The following PRELID2 variants were observed in gnomAD, a reference collection of about 807,000 sequenced individuals.
PRELID2 encodes PRELI domain containing 2.
Under a neutral mutation model 28.4 loss-of-function variants are expected in PRELID2, and 25 were observed. The observed-to-expected ratio is 0.88, with a 90% confidence interval of 0.64 to 1.23. The LOEUF (loss-of-function observed/expected upper bound fraction) is 1.23. Ranked by LOEUF, PRELID2 falls within the 50% of genes most tolerant of loss-of-function variation. The probability of loss-of-function intolerance (pLI) is 0.00; values close to 1 mark genes in which losing one functional copy is unlikely to be tolerated. For synonymous variants in PRELID2, 76 were observed against 71.6 expected, an observed-to-expected ratio of 1.06 and a Z score of -0.31; for missense variants, 201 against 214.4, an observed-to-expected ratio of 0.94 and a Z score of 0.39.
At chr5:145,726,534 T>C (rs941651051) in intron 1 of PRELID2, among the ~76,000 whole-genome samples, 12 of 152,066 alleles carry the variant, frequency 7.9e-5, no homozygotes, top group Non-Finnish European at 1.3e-4. Flanking sequence ...AAGTAGATGA[T>C]TAACAGATGG....
chr5:145,418,280 G>A, the PRELID2 span, among the ~76,000 whole-genome samples: 1 of 152,036 alleles, frequency 6.6e-6, no homozygotes, highest in Non-Finnish European at 1.5e-5. Flanking sequence ...TCATGATTAG[G>A]AAGAATCAAT....
At chr5:145,520,118 T>A (rs943795707) in intron 1 of PRELID2, among the ~76,000 whole-genome samples, 1 of 152,146 alleles carries the variant, frequency 6.6e-6, no homozygotes, top group African/African-American at 2.4e-5. Flanking sequence ...TTCTTTGGGG[T>A]ACAAAAAAAT....
chr5:145,560,033 C>A (rs192479318), intron 1 of PRELID2, among the ~76,000 whole-genome samples: 1 of 152,238 alleles, frequency 6.6e-6, no homozygotes, highest in Non-Finnish European at 1.5e-5. Context: ...ATGCTCAGAA[C>A]ATTTACATTA....
chr5:145,771,513 G>A (rs1040940561), intron 5 of PRELID2, among the ~76,000 whole-genome samples: 1 of 151,780 alleles, frequency 6.6e-6, no homozygotes, highest in African/African-American at 2.4e-5. Flanking sequence ...TCGTAAGTGT[G>A]ACACACAGAG....
downstream of PRELID2, among the ~76,000 whole-genome samples, chr5:145,753,233 C>T (rs1432174870): frequency 6.7e-6 from 1 of 150,046 alleles, no homozygotes; most frequent in Non-Finnish European, 1.5e-5. Flanking sequence ...CTGCTATTTT[C>T]TCTCTGCTGC....
chr5:145,407,779 C>G, the PRELID2 span, among the ~76,000 whole-genome samples: 6 of 152,316 alleles, frequency 3.9e-5, no homozygotes, highest in Admixed American at 3.3e-4. Flanking sequence ...CCAACAACAA[C>G]TGGATAACCA....
At chr5:145,511,881 G>A (rs770830202) in intron 1 of PRELID2, among the ~76,000 whole-genome samples, 1 of 152,256 alleles carries the variant, frequency 6.6e-6, no homozygotes, top group Non-Finnish European at 1.5e-5. Flanking sequence ...AGTGGAAGCT[G>A]ACGAGAGAGA....
the PRELID2 span, among the ~76,000 whole-genome samples, chr5:145,465,192 A>G: frequency 1.3e-5 from 2 of 152,092 alleles, no homozygotes; most frequent in Non-Finnish European, 2.9e-5. Flanking sequence ...CTGATATTAG[A>G]TGGCTAGCAG....
the PRELID2 span, among the ~76,000 whole-genome samples, chr5:145,365,306 A>C: frequency 6.6e-6 from 1 of 151,964 alleles, no homozygotes; most frequent in Non-Finnish European, 1.5e-5. Flanking sequence ...ATTTTAGGTA[A>C]TAGATTTATT....
chr5:145,385,367 AT>A, the PRELID2 span, among the ~76,000 whole-genome samples: 1 of 152,054 alleles, frequency 6.6e-6, no homozygotes, highest in Non-Finnish European at 1.5e-5. Context: ...TGTCTATAAA[AT>A]TTTTTGTCCT....
At chr5:145,781,549 T>C (rs1406129773) in intron 5 of PRELID2, among the ~76,000 whole-genome samples, 2 of 150,536 alleles carry the variant, frequency 1.3e-5, no homozygotes, top group Non-Finnish European at 3.0e-5. Context: ...ATGCAGCCCC[T>C]ATATTTATAT....
At chr5:145,794,112 T>C (rs1203419289) in intron 5 of PRELID2, among the ~76,000 whole-genome samples, 1 of 152,192 alleles carries the variant, frequency 6.6e-6, no homozygotes, top group Non-Finnish European at 1.5e-5. Flanking sequence ...ATATGTATGC[T>C]TGACAATGGA....
At chr5:145,388,912 AT>A in the PRELID2 span, among the ~76,000 whole-genome samples, 1 of 152,114 alleles carries the variant, frequency 6.6e-6, no homozygotes, top group Non-Finnish European at 1.5e-5. Flanking sequence ...ACTACCTGAA[AT>A]TATCTTTATA....
intron 1 of PRELID2, among the ~76,000 whole-genome samples, chr5:145,681,218 T>C (rs1200968353): frequency 6.6e-6 from 1 of 152,164 alleles, no homozygotes; most frequent in African/African-American, 2.4e-5. Context: ...CGAGCGAAAA[T>C]GGAAACCAGT....
chr5:145,567,617 ATCTACCCACCTCAG>A (rs1386648046), intron 1 of PRELID2, among the ~76,000 whole-genome samples: 1 of 152,104 alleles, frequency 6.6e-6, no homozygotes, highest in African/African-American at 2.4e-5. Context: ...ACCTCAAGTG[ATCTACCCACCTCAG>A]CCTCCCAAAG....
rs1757380418 is a variant in PRELID2, at chr5:145,759,691, G to C, written c.*845C>G. On this transcript the variant is annotated 3_prime_UTR_variant, in exon 7 of 7. Coordinates refer to ENST00000683046, the MANE Select transcript of PRELID2 (RefSeq NM_205846.3). ...TGCCAGCACTTGGATTCAAACCCAG[G>C]TCTGTCTGTTGACTTAAAACCCTGC... The C allele has an allele frequency of 6.6e-6, 1 of 152,166 alleles. No homozygotes were observed. Among genetic ancestry groups the C allele is most frequent in the Non-Finnish European group, 1.5e-5 (1 of 68,044 alleles). The allele number at this position is 152,166 out of a possible 1,614,324, so 9.4% of individuals were successfully genotyped here. A position where few individuals can be genotyped will look rare whatever the true frequency, so the allele number is the denominator to read the frequency against.
chr5:145,359,333 G>T, the PRELID2 span, among the ~76,000 whole-genome samples: 1 of 152,134 alleles, frequency 6.6e-6, no homozygotes, highest in African/African-American at 2.4e-5. Context: ...TATCACAGCT[G>T]CCCAATAAGA....
intron 1 of PRELID2, among the ~76,000 whole-genome samples, chr5:145,707,083 A>C (rs1273765152): frequency 6.6e-6 from 1 of 152,220 alleles, no homozygotes; most frequent in Admixed American, 6.5e-5. Flanking sequence ...AAATTTATTA[A>C]GCATCTGTGG....
At chr5:145,392,238 G>T in the PRELID2 span, among the ~76,000 whole-genome samples, 2 of 152,140 alleles carry the variant, frequency 1.3e-5, no homozygotes, top group Non-Finnish European at 2.9e-5. Flanking sequence ...GTTCAGCATG[G>T]CTGGGGAGGC....
Sources: allele counts gnomAD v4.1 joint callset (sites outside exome capture counted in the v4.1 genomes callset), GRCh38; gene constraint gnomAD v4.1.1; transcripts MANE v1.5; gene names NCBI Gene and HGNC (gene_info 2026-07-23, HGNC 2026-07-21).